IPO11: variants seen among roughly 807,000 people sequenced by gnomAD.
IPO11 encodes importin-11.
In IPO11, 66 loss-of-function variants were observed where a neutral mutation model predicts 143.2. That is an observed-to-expected ratio of 0.46 (90% CI 0.38 to 0.57). The LOEUF is 0.57. IPO11 is among the 20% of genes least tolerant of loss of function. The pLI, the probability that IPO11 is intolerant of heterozygous loss-of-function variation, is 0.00. For missense variants in IPO11, 1,026 were observed against 1,141.0 expected (o/e 0.90, Z 1.45); for synonymous variants, 385 against 377.8 (o/e 1.02, Z -0.22).
In IPO11 at chr5:62,598,529, TTCTTTCTTTTCTTTCTTTTCTTTC is replaced by T. The variant is rs1228824929; in HGVS notation, c.2679-3233_2679-3210del. 1.5e-3 allele frequency among the ~76,000 whole-genome samples: 24 copies of T among 15,702 alleles called. 4 individuals carry two copies. The highest frequency in any genetic ancestry group is 0.015 in the African/African-American group (18 of 1,184). 10.3% of individuals were successfully genotyped at this position (15,702 alleles called of 152,430 possible). A position where few individuals can be genotyped will look rare whatever the true frequency, so the allele number is the denominator to read the frequency against. ...TTCTTTCTTTCTTTCTTTCTTTCTT[TTCTTTCTTTTCTTTCTTTTCTTTC>T]TTTTTTTTTTTTATGGAGTCTTGCC... On this transcript the variant is annotated intron_variant, in intron 28 of 29. Transcript: ENST00000325324.
At position 62,494,025 on chromosome 5, in the gene IPO11, T is replaced by G; in HGVS notation, c.1491T>G (p.Ile497Met). Reference protein sequence around the residue: ...NRYKPLRRRVIWLIGQWISVK... With the variant: ...NRYKPLRRRVMWLIGQWISVK... The stretch of plus-strand genomic sequence containing the variant: ...ATAAGCCATTGCGACGCAGGGTGAT[T>G]TGGCTCATCGGTCAGTGGATTTCTG... The change falls in exon 16 of 30, where the codon ATT becomes ATG. Residue 497 changes from isoleucine to methionine, a missense_variant. Physicochemically the swap from Ile to Met is conservative, Grantham distance 10 (BLOSUM62 1). Around this residue, in one of 5 missense-constraint regions of IPO11, gnomAD observed 237 missense variants for 288.0 expected, o/e 0.82. Coordinates refer to ENST00000325324, the MANE Select transcript of IPO11 (RefSeq NM_016338.5). 1 of 1,613,200 alleles carries G rather than the reference T, an allele frequency of 6.2e-7. No homozygotes were observed. Among genetic ancestry groups the G allele is most frequent in the East Asian group, 2.2e-5 (1 of 44,844 alleles).
rs1360947090 is a variant in IPO11, at chr5:62,589,095, C to T, written c.2583-2482C>T. ...TAGCCCTGCCTCTGTTATGATCCCA[C>T]TTCATCCCATCTCTGGGATCCTGCT... is the stretch of plus-strand genomic sequence containing the variant. On this transcript the variant is annotated intron_variant, in intron 27 of 29. Coordinates refer to ENST00000325324, the MANE Select transcript of IPO11 (RefSeq NM_016338.5). 4.6e-5 allele frequency among the ~76,000 whole-genome samples: 7 copies of T among 152,298 alleles called. No homozygotes were observed. In the South Asian group the frequency reaches 6.2e-4, roughly 14 times the overall value.
intron 15 of IPO11, among the ~76,000 whole-genome samples, chr5:62,493,467 A>G (rs1026652831): frequency 2.6e-5 from 4 of 152,192 alleles, no homozygotes; most frequent in African/African-American, 7.2e-5. Context: ...TACAACATAT[A>G]TGCCTAGGAA....
At chr5:62,504,001 T>C (rs116823794) in intron 16 of IPO11, among the ~76,000 whole-genome samples, 1 of 152,180 alleles carries the variant, frequency 6.6e-6, no homozygotes, top group African/African-American at 2.4e-5. Flanking sequence ...GTGGAAACTA[T>C]GAATATCTTA....
At chr5:62,568,574 C>CAAAAAAAAAAAAA (rs66748975) in intron 27 of IPO11, among the ~76,000 whole-genome samples, 1 of 51,896 alleles carries the variant, frequency 1.9e-5, no homozygotes, top group Non-Finnish European at 3.2e-5. Context: ...ACTCTGTCTC[C>CAAAAAAAAAAAAA]AAAAAAAAAA....
intron 27 of IPO11, among the ~76,000 whole-genome samples, chr5:62,567,558 CT>C (rs34740276): frequency 3.1e-4 from 22 of 70,174 alleles, no homozygotes; most frequent in South Asian, 1.3e-3. Flanking sequence ...CTTACATTTC[CT>C]TTTTTTTTTT....
intron 19 of IPO11, among the ~76,000 whole-genome samples, chr5:62,514,942 C>T (rs1741956583): frequency 1.3e-5 from 2 of 152,064 alleles, no homozygotes; most frequent in Admixed American, 1.3e-4. Context: ...AAGGGTTTGT[C>T]TGGCTGTCTG....
At chr5:62,486,532 A>G (rs1185251445) in intron 12 of IPO11, among the ~76,000 whole-genome samples, 2 of 152,144 alleles carry the variant, frequency 1.3e-5, no homozygotes, top group African/African-American at 4.8e-5. Flanking sequence ...TTTACAACGC[A>G]TTTATTAATA....
At chr5:62,595,625 A>G (rs575001939) in intron 28 of IPO11, among the ~76,000 whole-genome samples, 1 of 152,306 alleles carries the variant, frequency 6.6e-6, no homozygotes, top group East Asian at 1.9e-4. Context: ...ACAGTTGCCT[A>G]TTAACGTTGA....
intron 27 of IPO11, among the ~76,000 whole-genome samples, chr5:62,563,794 T>C (rs1166806850): frequency 4.6e-5 from 7 of 151,178 alleles, no homozygotes; most frequent in Non-Finnish European, 1.0e-4. Context: ...AAATCTCAGA[T>C]TTGGGCCATT....
chr5:62,465,178 C>T (rs964859797), intron 5 of IPO11, among the ~76,000 whole-genome samples: 3 of 152,142 alleles, frequency 2.0e-5, no homozygotes, highest in Non-Finnish European at 2.9e-5. Flanking sequence ...ACCTCTTCTG[C>T]GTCTAAATCC....
At chr5:62,576,749 C>T (rs546650434) in intron 27 of IPO11, among the ~76,000 whole-genome samples, 2 of 152,334 alleles carry the variant, frequency 1.3e-5, no homozygotes, top group South Asian at 4.1e-4. Flanking sequence ...CATTGTTGCA[C>T]TCCAACCCAG....
At chr5:62,554,362 C>A (rs1743495818) in intron 26 of IPO11, among the ~76,000 whole-genome samples, 3 of 152,060 alleles carry the variant, frequency 2.0e-5, no homozygotes, top group African/African-American at 4.8e-5. Context: ...TGACCAGAGT[C>A]CTGGAGTGTT....
intron 1 of IPO11, among the ~76,000 whole-genome samples, chr5:62,426,589 G>A (rs1022808522): frequency 3.3e-5 from 5 of 152,030 alleles, no homozygotes; most frequent in African/African-American, 1.2e-4. Context: ...GAGAAATAAA[G>A]CAAATATCTA....
intron 5 of IPO11, among the ~76,000 whole-genome samples, chr5:62,462,941 G>A (rs2112183870): frequency 6.6e-6 from 1 of 151,062 alleles, no homozygotes; most frequent in South Asian, 2.1e-4. Flanking sequence ...TTGAGAATTA[G>A]ATAAAAGGTC....
At chr5:62,416,976 A>G (rs1392575772) in intron 1 of IPO11, among the ~76,000 whole-genome samples, 1 of 151,996 alleles carries the variant, frequency 6.6e-6, no homozygotes, top group Non-Finnish European at 1.5e-5. Context: ...CAAGCGATCC[A>G]CTGGCCTTGG....
intron 29 of IPO11, among the ~76,000 whole-genome samples, chr5:62,603,166 AC>A (rs1328321678): frequency 2.0e-5 from 3 of 152,208 alleles, no homozygotes; most frequent in South Asian, 4.1e-4. Flanking sequence ...ACATCACCGA[AC>A]TTCTTAATAA....
Position 62,561,214 on chromosome 5 carries a change from C to T in IPO11, c.2539C>T (p.Leu847Phe). ...CATTACCCAGCCTGAAAGAAGAAAA[C>T]TTTCAGCTTTGGCTTTGCTCTCTCT... ...DNITQPERRK[L>F]SALALLSLLP... Residue 847 changes from leucine (L) to phenylalanine (F), a missense_variant, in exon 27 of 30, where the codon CTT becomes TTT. By Grantham distance (22) the Leu-to-Phe change is conservative (BLOSUM62 0). Transcript: ENST00000325324. 6.2e-7 allele frequency: 1 copy of T among 1,607,946 alleles called. No homozygotes were observed. Among genetic ancestry groups the T allele is most frequent in the South Asian group, 1.1e-5 (1 of 90,422 alleles).
chr5:62,427,999 C>T (rs1229871569), intron 1 of IPO11, among the ~76,000 whole-genome samples: 2 of 152,180 alleles, frequency 1.3e-5, no homozygotes, highest in African/African-American at 2.4e-5. Context: ...TTTTCTTGTC[C>T]AAACTGCCAG....
Sources: gnomAD v4.1 joint callset for allele counts (sites outside exome capture counted in the v4.1 genomes callset) on GRCh38, gnomAD v4.1.1 for gene constraint, gnomAD v4.1.1 regional missense constraint, MANE v1.5 for transcripts, NCBI Gene and HGNC (gene_info 2026-07-23, HGNC 2026-07-21) for gene names.